Variants in KATNAL1 observed in about 807,000 individuals in gnomAD.
KATNAL1 encodes katanin p60 ATPase-containing subunit A-like 1.
KATNAL1 carries 32 observed loss-of-function variants against 55.2 expected under a neutral mutation model. The observed-to-expected ratio is 0.58, with a 90% CI of 0.44 to 0.78. The LOEUF (loss-of-function observed/expected upper bound fraction) is 0.78, where lower values mean the gene tolerates loss of function less well. KATNAL1 is among the 30% of genes least tolerant of loss of function. The pLI is 0.00. For missense variants in KATNAL1, 466 were observed against 600.9 expected (o/e 0.78, Z 2.35); for synonymous variants, 193 against 193.6 (o/e 1.00, Z 0.02).
chr13:30,295,414 A>G (rs975798370), intron 1 of KATNAL1, among the ~76,000 whole-genome samples: 2 of 152,204 alleles, frequency 1.3e-5, no homozygotes, highest in Non-Finnish European at 2.9e-5. Context: ...AAGCAAGAGA[A>G]CTAGCATTAG....
chr13:30,290,802 AGAT>A (rs1244625818), intron 1 of KATNAL1, among the ~76,000 whole-genome samples: 2 of 152,230 alleles, frequency 1.3e-5, no homozygotes, highest in African/African-American at 4.8e-5. Context: ...CAAGAATTCA[AGAT>A]GGTTTATTTT....
chr13:30,219,956 CATCA>C (rs1874679953), intron 9 of KATNAL1, among the ~76,000 whole-genome samples: 2 of 152,268 alleles, frequency 1.3e-5, no homozygotes, highest in East Asian at 3.9e-4. Flanking sequence ...AACTTGCTGT[CATCA>C]ATTATTTTCT....
chr13:30,255,336 C>T, intron 4 of KATNAL1, 111 bp downstream of exon 4: 1 of 867,500 alleles, frequency 1.2e-6, no homozygotes, highest in South Asian at 3.0e-5. Context: ...AGACTTTTTT[C>T]TAACTCTTCC....
chr13:30,230,302 C>CA (rs1447197871), intron 8 of KATNAL1, among the ~76,000 whole-genome samples, 166 bp downstream of exon 8: 1 of 152,154 alleles, frequency 6.6e-6, no homozygotes, highest in Non-Finnish European at 1.5e-5. Flanking sequence ...TGATCTCTAA[C>CA]AAGTATGCAA....
intron 1 of KATNAL1, among the ~76,000 whole-genome samples, chr13:30,299,650 C>T (rs1882741307): frequency 6.6e-6 from 1 of 152,058 alleles, no homozygotes; most frequent in Admixed American, 6.6e-5. Flanking sequence ...TTAGCAATGT[C>T]TAATATTTGA....
intron 9 of KATNAL1, among the ~76,000 whole-genome samples, chr13:30,226,330 T>G (rs1396791750): frequency 6.6e-6 from 1 of 152,164 alleles, no homozygotes; most frequent in Non-Finnish European, 1.5e-5. Context: ...ACCAGAAAGT[T>G]TACAGCTTTA....
At chr13:30,298,906 C>A (rs1293001429) in intron 1 of KATNAL1, among the ~76,000 whole-genome samples, 1 of 152,060 alleles carries the variant, frequency 6.6e-6, no homozygotes, top group Non-Finnish European at 1.5e-5. Flanking sequence ...AGGCAAAATT[C>A]AAAAATACAG....
rs377007182 is a variant in KATNAL1 at position 30,220,240 on chromosome 13, C to A, written c.1147+7172G>T. On this transcript the variant is annotated intron_variant, in intron 9 of 10. Coordinates refer to ENST00000380615, the MANE Select transcript of KATNAL1 (RefSeq NM_032116.5). ...CTTTGGGAGGTGGATGCAGGTGGAT[C>A]ACTTGAGGTCAGGAGTTGGAGACCA... 1.1e-4 allele frequency among the ~76,000 whole-genome samples: 16 copies of A among 152,198 alleles called. No individual in the cohort carries two copies. In the East Asian group the frequency reaches 1.9e-3, roughly 18 times the overall value.
At chr13:30,287,482 G>A (rs562269814) in intron 1 of KATNAL1, among the ~76,000 whole-genome samples, 98 of 152,310 alleles carry the variant, frequency 6.4e-4, no homozygotes, top group African/African-American at 2.3e-3. Flanking sequence ...GCAGAACTGT[G>A]AGTCACTTAA....
At chr13:30,228,892 AC>A (rs1875791394) in intron 8 of KATNAL1, among the ~76,000 whole-genome samples, 1 of 152,178 alleles carries the variant, frequency 6.6e-6, no homozygotes, top group Non-Finnish European at 1.5e-5. Context: ...AGCTGGGACT[AC>A]AGGCACATGC....
intron 9 of KATNAL1, among the ~76,000 whole-genome samples, chr13:30,213,144 C>T (rs1210910631): frequency 6.6e-6 from 1 of 152,166 alleles, no homozygotes; most frequent in African/African-American, 2.4e-5. Flanking sequence ...ACTACAAACA[C>T]CTCTACGCAA....
chr13:30,241,527 T>G (rs1285112822), intron 4 of KATNAL1, among the ~76,000 whole-genome samples: 1 of 152,174 alleles, frequency 6.6e-6, no homozygotes, highest in Non-Finnish European at 1.5e-5. Flanking sequence ...TAAAAGAAAT[T>G]TTATGCTATG....
At chr13:30,235,543 AATATCCAAACT>A (rs890112063) in intron 6 of KATNAL1, among the ~76,000 whole-genome samples, 3 of 152,202 alleles carry the variant, frequency 2.0e-5, no homozygotes, top group African/African-American at 7.2e-5. Context: ...TGGTGGGACA[AATATCCAAACT>A]ATATCCAAAC....
Position 30,230,463 on chromosome 13 carries a change from A to G in KATNAL1, c.1012+5T>C, listed in dbSNP as rs760520433. The G allele has an allele frequency of 3.7e-6, 6 of 1,603,988 alleles. No homozygotes were observed. In the South Asian group the frequency reaches 4.5e-5, roughly 12 times the overall value. ...GTTTTGAAACAATAATTAAATATCA[A>G]TTACCATCCATCTGAATGAGCAGTT... On this transcript the variant is annotated splice_donor_5th_base_variant and intron_variant, in intron 8 of 10. Transcript: ENST00000380615.
chr13:30,278,018 A>C (rs1327926177), intron 3 of KATNAL1, among the ~76,000 whole-genome samples: 2 of 148,198 alleles, frequency 1.3e-5, no homozygotes, highest in South Asian at 2.1e-4. Flanking sequence ...AAAAGATTTA[A>C]TTCATTAACA....
At chr13:30,213,107 A>C (rs759008408) in intron 9 of KATNAL1, among the ~76,000 whole-genome samples, 13 of 152,228 alleles carry the variant, frequency 8.5e-5, no homozygotes, top group African/African-American at 1.2e-4. Flanking sequence ...CGGTACTATG[A>C]GAAAATACAA....
intron 3 of KATNAL1, among the ~76,000 whole-genome samples, chr13:30,274,907 G>GCGCGCGCGCGCC (rs869107567): frequency 9.5e-6 from 1 of 105,390 alleles, no homozygotes; most frequent in Non-Finnish European, 1.9e-5. Context: ...GCGCGCGCGC[G>GCGCGCGCGCGCC]CACACACACA....
intron 2 of KATNAL1, among the ~76,000 whole-genome samples, chr13:30,283,386 T>C (rs372962698): frequency 1.3e-5 from 2 of 151,652 alleles, no homozygotes; most frequent in South Asian, 2.1e-4. Context: ...GTAGATTCAA[T>C]TGGAATTAAA....
rs1431864369 is a variant in KATNAL1, at chr13:30,283,281, AAAAAAAAAAAG to A, written c.162+324_162+334del. Among the ~76,000 whole-genome samples, 80 of 150,378 alleles carry A rather than the reference AAAAAAAAAAAG, an allele frequency of 5.3e-4. 2 individuals are homozygous for A. Among genetic ancestry groups the A allele is most frequent in the African/African-American group, 1.5e-3 (60 of 41,158 alleles). On this transcript the variant is annotated intron_variant, in intron 2 of 10. Transcript: ENST00000380615. ...GACTCTGTCTCAAAAAAAAAAAAAA[AAAAAAAAAAAG>A]GAATGAATGAATGAAATACTTTATT...
Sources: allele counts gnomAD v4.1 joint callset (sites outside exome capture counted in the v4.1 genomes callset), GRCh38; gene constraint gnomAD v4.1.1; transcripts MANE v1.5; gene names NCBI Gene and HGNC (gene_info 2026-07-23, HGNC 2026-07-21).